RUFY1: variants seen among roughly 807,000 people sequenced by gnomAD.
RUFY1 encodes RUN and FYVE domain-containing protein 1.
A neutral mutation model predicts 94.6 loss-of-function variants in RUFY1; 54 were observed. That is an observed-to-expected ratio of 0.57 (90% CI 0.46 to 0.72). The LOEUF (loss-of-function observed/expected upper bound fraction) is 0.72. Ranked by LOEUF, RUFY1 falls within the 30% of genes least tolerant of loss-of-function variation. The pLI, the probability that RUFY1 is intolerant of heterozygous loss-of-function variation, is 0.00. For synonymous variants in RUFY1, 396 were observed against 347.3 expected, an observed-to-expected ratio of 1.14 and a Z score of -1.56; for missense variants, 883 against 883.9, an observed-to-expected ratio of 1.00 and a Z score of 0.01.
intron 7 of RUFY1, among the ~76,000 whole-genome samples, chr5:179,584,862 G>A (rs1410584051): frequency 1.3e-5 from 2 of 152,264 alleles, no homozygotes; most frequent in Non-Finnish European, 2.9e-5. Flanking sequence ...GGGACCGGGC[G>A]CAGTGGCTCA....
In RUFY1 at chr5:179,601,943, G is replaced by T. The variant is rs1171689030; in HGVS notation, c.1813G>T (p.Glu605Ter). ...GGCAGAGCTGCAGAAGATCTGCGAG[G>T]AGCAGGAACAAGCCCTCCAGGAAAT... ...EKAELQKICE[E>*]QEQALQEMGL... The change falls in exon 15 of 18, where the codon GAG becomes TAG. Residue 605 changes from glutamate to a stop codon, truncating the protein, a stop_gained. Coordinates refer to ENST00000319449, the MANE Select transcript of RUFY1 (RefSeq NM_025158.5). LOFTEE classifies it high-confidence loss of function. 1 of 1,613,878 alleles carries T rather than the reference G, an allele frequency of 6.2e-7. No homozygotes were observed. Among genetic ancestry groups the T allele is most frequent in the Non-Finnish European group, 8.5e-7 (1 of 1,179,990 alleles).
chr5:179,576,354 C>T (rs1264119527), intron 5 of RUFY1, among the ~76,000 whole-genome samples: 2 of 152,150 alleles, frequency 1.3e-5, no homozygotes, highest in African/African-American at 4.8e-5. Context: ...TTGATTAGAC[C>T]ATTTTACCAA....
At chr5:179,595,337 G>A (rs1765519553) in intron 12 of RUFY1, among the ~76,000 whole-genome samples, 1 of 152,072 alleles carries the variant, frequency 6.6e-6, no homozygotes, top group Non-Finnish European at 1.5e-5. Context: ...AAATTAGTGG[G>A]CAACAAGAAA....
At chr5:179,577,598 G>A (rs966889446) in intron 6 of RUFY1, among the ~76,000 whole-genome samples, 9 of 140,002 alleles carry the variant, frequency 6.4e-5, no homozygotes, top group South Asian at 2.3e-4. Flanking sequence ...GGGGAGGGCG[G>A]GGGTGGGGAG....
chr5:179,562,857 C>T (rs1184558684), intron 3 of RUFY1, 193 bp downstream of exon 3: 22 of 527,414 alleles, frequency 4.2e-5, no homozygotes, highest in Non-Finnish European at 4.4e-5. Flanking sequence ...GACAGTGATT[C>T]CTGCTTGCCA....
At chr5:179,604,983 CAAAAAAAA>C (rs199950744) in intron 15 of RUFY1, among the ~76,000 whole-genome samples, 12 of 123,380 alleles carry the variant, frequency 9.7e-5, no homozygotes, top group South Asian at 2.6e-4. Context: ...GACTCCATCT[CAAAAAAAA>C]AAAAGAAAAA....
At chr5:179,576,543 C>T (rs1763625799) in intron 5 of RUFY1, among the ~76,000 whole-genome samples, 1 of 152,206 alleles carries the variant, frequency 6.6e-6, no homozygotes, top group Non-Finnish European at 1.5e-5. Flanking sequence ...GCCTCAGCTT[C>T]CCGATTAGCT....
intron 6 of RUFY1, among the ~76,000 whole-genome samples, chr5:179,577,561 T>TCCGAGG (rs1336258557): frequency 7.2e-6 from 1 of 139,256 alleles, no homozygotes; most frequent in Non-Finnish European, 1.5e-5. Flanking sequence ...TAGCGGAGGC[T>TCCGAGG]CCGAGGCCGG....
chr5:179,555,696 C>T (rs926824383), intron 1 of RUFY1: 6 of 388,996 alleles, frequency 1.5e-5, no homozygotes, highest in Non-Finnish European at 2.5e-5. Flanking sequence ...GGCGTGATCT[C>T]GGGTCACGGC....
chr5:179,577,159 CTTTTT>C (rs748319712), intron 6 of RUFY1, 23 bp downstream of exon 6: 2,964 of 184,532 alleles, frequency 0.016, no homozygotes, highest in Middle Eastern at 0.02. Context: ...TTGTATGTCA[CTTTTT>C]TTTTTTTTTT....
rs1209164125 is a variant in RUFY1 at position 179,562,676 on chromosome 5, G to A, written c.602+12G>A. 2.3e-6 allele frequency: 3 copies of A among 1,312,610 alleles called. No individual in the cohort carries two copies. The African/African-American group carries it at 4.4e-5, about 19-fold the overall frequency. 81.3% of individuals were successfully genotyped at this position (1,312,610 alleles called of 1,614,324 possible). ...CTTCCAGAATTAAAGTGAGTGAGAA[G>A]TAGTTCTGCCAATTTGATGATTTTA... On this transcript the variant is annotated intron_variant, in intron 3 of 17. Coordinates refer to ENST00000319449, the MANE Select transcript of RUFY1 (RefSeq NM_025158.5).
intron 13 of RUFY1, among the ~76,000 whole-genome samples, chr5:179,597,912 G>A (rs1391809129): frequency 1.3e-5 from 2 of 152,134 alleles, no homozygotes; most frequent in African/African-American, 2.4e-5. Context: ...GAATGAGGCC[G>A]GGCGCGGTGG....
At position 179,608,407 on chromosome 5, in the gene RUFY1, C is replaced by T. The variant is rs561706252; in HGVS notation, c.1983+748C>T. ...CGTCCTGAGGCTGCCTTTGAGATCA[C>T]ATGTGTCTACAAGGCCTGGCTGTCC... On this transcript the variant is annotated intron_variant, in intron 17 of 17. Coordinates refer to ENST00000319449, the MANE Select transcript of RUFY1 (RefSeq NM_025158.5). 7 of 985,560 alleles carry T rather than the reference C, an allele frequency of 7.1e-6. No individual in the cohort carries two copies. The South Asian group carries it at 2.3e-4, about 33-fold the overall frequency. 61.1% of individuals were successfully genotyped at this position (985,560 alleles called of 1,614,324 possible).
At chr5:179,554,432 A>G (rs779852473) in intron 1 of RUFY1, among the ~76,000 whole-genome samples, 11 of 151,940 alleles carry the variant, frequency 7.2e-5, no homozygotes, top group Non-Finnish European at 1.2e-4. Flanking sequence ...GCTATTCAGG[A>G]GGCTGAGGCA....
At chr5:179,585,767 T>C in intron 7 of RUFY1, 29 bp from the exon 8 acceptor site, 1 of 1,522,062 alleles carries the variant, frequency 6.6e-7, no homozygotes, top group Non-Finnish European at 9.1e-7. Flanking sequence ...TATAAGTTTA[T>C]GTTTACTTAA....
rs1172659438 is a variant in RUFY1, at chr5:179,558,884, A to C, written c.311-1141A>C. Among the ~76,000 whole-genome samples, 5 of 152,244 alleles carry C rather than the reference A, an allele frequency of 3.3e-5. No individual in the cohort carries two copies. In the South Asian group the frequency reaches 1.0e-3, roughly 31 times the overall value. On this transcript the variant is annotated intron_variant, in intron 1 of 17. Transcript: ENST00000319449. The stretch of plus-strand genomic sequence containing the variant: ...CATATTAATCAATGCTGGTGAAATA[A>C]AACAGGTAAAGGATTAGTATCCAAA...
intron 5 of RUFY1, among the ~76,000 whole-genome samples, chr5:179,570,874 CAT>C (rs1236525573): frequency 6.6e-5 from 10 of 152,060 alleles, no homozygotes; most frequent in Non-Finnish European, 1.3e-4. Context: ...AAACATCACA[CAT>C]ATTCTCATTA....
chr5:179,602,046 C>A, intron 15 of RUFY1, 60 bp downstream of exon 15: 1 of 1,380,738 alleles, frequency 7.2e-7, no homozygotes, highest in Non-Finnish European at 1.0e-6. Flanking sequence ...CACCACATCC[C>A]TCAGGCCCCA....
In RUFY1 at chr5:179,585,862, A is replaced by C. The variant is rs1764567769; in HGVS notation, c.1023A>C (p.Glu341Asp). 3 of 1,612,270 alleles carry C rather than the reference A, an allele frequency of 1.9e-6. No individual in the cohort carries two copies. In the East Asian group the frequency reaches 6.7e-5, roughly 36 times the overall value. Reference protein sequence around the residue: ...GLEKTNSKLQEELSAATDRIC... With the variant: ...GLEKTNSKLQDELSAATDRIC... ...AAAAGACTAACTCAAAGCTTCAAGAAGAGGTTTGTAAGTTTTATTGAAATT... is the reference window on the plus strand; with the variant it reads ...AAAAGACTAACTCAAAGCTTCAAGACGAGGTTTGTAAGTTTTATTGAAATT... The change falls in exon 8 of 18, where the codon GAA (glutamate) becomes GAC (aspartate). Residue 341 changes from glutamate to aspartate, a missense_variant. Glu to Asp is a conservative substitution (Grantham distance 45). Coordinates refer to ENST00000319449, the MANE Select transcript of RUFY1 (RefSeq NM_025158.5).
Sources: gnomAD v4.1 joint callset for allele counts (sites outside exome capture counted in the v4.1 genomes callset) on GRCh38, gnomAD v4.1.1 for gene constraint, MANE v1.5 for transcripts, NCBI Gene and HGNC (gene_info 2026-07-23, HGNC 2026-07-21) for gene names.